Variants in SNX7 observed in about 807,000 individuals in gnomAD.
SNX7 encodes the protein sorting nexin-7.
In SNX7, 35 loss-of-function variants were observed where a neutral mutation model predicts 48.4. That is an observed-to-expected ratio of 0.72 (90% CI 0.55 to 0.96). SNX7 has a LOEUF of 0.96. Among genes scored for constraint, SNX7 ranks in the 40% least tolerant of loss-of-function variants. The pLI is 0.00. For synonymous variants in SNX7, 190 were observed against 190.2 expected, an observed-to-expected ratio of 1.00 and a Z score of 0.01; for missense variants, 553 against 548.9, an observed-to-expected ratio of 1.01 and a Z score of -0.07.
chr1:98,701,756 C>G (rs569196036), intron 6 of SNX7, 61 bp from the exon 7 acceptor site: 1 of 1,087,354 alleles, frequency 9.2e-7, no homozygotes, highest in Admixed American at 2.2e-5. Flanking sequence ...TATATTTTTG[C>G]TATAGGAAAG....
At chr1:98,756,393 A>G (rs1222020369) in intron 8 of SNX7, among the ~76,000 whole-genome samples, 1 of 66,484 alleles carries the variant, frequency 1.5e-5, no homozygotes, top group African/African-American at 5.3e-5. Flanking sequence ...CCATATTTCT[A>G]TCTGGTCTCT....
At chr1:98,667,700 C>G (rs1204155208) in intron 1 of SNX7, among the ~76,000 whole-genome samples, 4 of 152,068 alleles carry the variant, frequency 2.6e-5, no homozygotes, top group Non-Finnish European at 4.4e-5. Flanking sequence ...GGGACTCTAA[C>G]TACATTGCCT....
At chr1:98,663,252 GGTTTTTTTTTTTTTTTTTTTTTTTTTTTT>G (rs1649354374) in intron 1 of SNX7, among the ~76,000 whole-genome samples, 2 of 83,184 alleles carry the variant, frequency 2.4e-5, no homozygotes, top group Admixed American at 1.2e-4. Context: ...GTTTCTTTCT[GGTTTTTTTTTTTTTTTTTTTTTTTTTTTT>G]TTTTTTTTTT....
rs745988130 is a variant in SNX7, at chr1:98,692,045, T to C, written c.639+346T>C. Among the ~76,000 whole-genome samples, 167 of 151,992 alleles carry C rather than the reference T, an allele frequency of 1.1e-3. 1 individual carries two copies. The highest frequency in any genetic ancestry group is 1.9e-3 in the Non-Finnish European group (130 of 67,904). On this transcript the variant is annotated intron_variant, in intron 4 of 8. Coordinates refer to ENST00000306121, the MANE Select transcript of SNX7 (RefSeq NM_015976.5). ...ATAAATATATTTCTTTCATTGACACTGTAGTTGACCCTTGAACAACATGGC... is the reference window on the plus strand; with the variant it reads ...ATAAATATATTTCTTTCATTGACACCGTAGTTGACCCTTGAACAACATGGC...
chr1:98,661,653 G>GAA, upstream of SNX7: 1 of 1,146,068 alleles, frequency 8.7e-7, no homozygotes, highest in Non-Finnish European at 1.1e-6. Flanking sequence ...AGGTGCAGGA[G>GAA]ACGTGGGAGC....
At chr1:98,661,506 C>G (rs1557779126), upstream of SNX7, among the ~76,000 whole-genome samples, 1 of 152,120 alleles carries the variant, frequency 6.6e-6, no homozygotes, top group Non-Finnish European at 1.5e-5. Context: ...CCAACGTAGC[C>G]GGAGTCCGAG....
At chr1:98,722,379 A>C (rs1652931812) in intron 7 of SNX7, among the ~76,000 whole-genome samples, 1 of 152,130 alleles carries the variant, frequency 6.6e-6, no homozygotes, top group Non-Finnish European at 1.5e-5. Context: ...CACCTCTCTC[A>C]CGAATCAGAA....
intron 7 of SNX7, among the ~76,000 whole-genome samples, chr1:98,718,907 A>G (rs1275971185): frequency 1.3e-5 from 2 of 152,116 alleles, no homozygotes; most frequent in East Asian, 3.9e-4. Flanking sequence ...ATCCCATTGT[A>G]TGGCTGTGCA....
chr1:98,664,998 T>C (rs1649464067), intron 1 of SNX7, among the ~76,000 whole-genome samples: 1 of 152,206 alleles, frequency 6.6e-6, no homozygotes, highest in Admixed American at 6.5e-5. Flanking sequence ...TCTTCACGTT[T>C]AAAGGAAAAA....
chr1:98,723,755 G>T (rs899830121), intron 7 of SNX7, among the ~76,000 whole-genome samples: 10 of 147,562 alleles, frequency 6.8e-5, no homozygotes, highest in Non-Finnish European at 1.5e-4. Flanking sequence ...TGCTTGGGAG[G>T]CTGGGGCAGG....
intron 1 of SNX7, among the ~76,000 whole-genome samples, chr1:98,670,709 A>G (rs1193348547): frequency 1.3e-5 from 2 of 152,210 alleles, no homozygotes; most frequent in Non-Finnish European, 2.9e-5. Flanking sequence ...TCACACAATG[A>G]CAAAATTTCC....
At chr1:98,671,018 A>T (rs192005466) in intron 1 of SNX7, among the ~76,000 whole-genome samples, 42 of 152,202 alleles carry the variant, frequency 2.8e-4, no homozygotes, top group African/African-American at 9.9e-4. Context: ...GTGAGTTTTA[A>T]AGATAAAGTT....
chr1:98,731,203 G>A lies in SNX7; in HGVS notation c.1126-7034G>A, dbSNP rs563425668. ...GAAAACTCCAAAGTATAGGAATACT[G>A]TTTTTTATAAGAATAAAAATTTTTT... On this transcript the variant is annotated intron_variant, in intron 7 of 8. Coordinates refer to ENST00000306121, the MANE Select transcript of SNX7 (RefSeq NM_015976.5). Among the ~76,000 whole-genome samples the A allele has an allele frequency of 2.0e-5, 3 of 147,762 alleles. No homozygotes were observed. In the East Asian group the frequency reaches 5.9e-4, roughly 29 times the overall value.
At chr1:98,669,876 A>G (rs1433710444) in intron 1 of SNX7, among the ~76,000 whole-genome samples, 2 of 152,222 alleles carry the variant, frequency 1.3e-5, no homozygotes, top group African/African-American at 4.8e-5. Flanking sequence ...CCTTATAAAT[A>G]GATATTATTT....
Position 98,684,884 on chromosome 1 carries a change from G to T in SNX7, c.181-1G>T. The T allele has an allele frequency of 6.8e-7, 1 of 1,478,870 alleles. No homozygotes were observed. Among genetic ancestry groups the T allele is most frequent in the Non-Finnish European group, 9.0e-7 (1 of 1,106,724 alleles). The allele number at this position is 1,478,870 out of a possible 1,614,324, so 91.6% of individuals were successfully genotyped here. On this transcript the variant is annotated splice_acceptor_variant, in intron 1 of 8. Coordinates refer to ENST00000306121, the MANE Select transcript of SNX7 (RefSeq NM_015976.5). LOFTEE classifies it high-confidence loss of function. ...TAATTTTTGAATGTTTTATTTCTTAGGATGCCTCATTGATGGACATGAACT... is the reference window on the plus strand; with the variant it reads ...TAATTTTTGAATGTTTTATTTCTTATGATGCCTCATTGATGGACATGAACT...
chr1:98,745,841 AAAC>A (rs1654284335), intron 8 of SNX7, among the ~76,000 whole-genome samples: 2 of 152,218 alleles, frequency 1.3e-5, no homozygotes, highest in South Asian at 4.1e-4. Flanking sequence ...ATCAAAAGGA[AAAC>A]AACAACTTTT....
At chr1:98,725,603 G>A (rs1205454237) in intron 7 of SNX7, among the ~76,000 whole-genome samples, 2 of 152,096 alleles carry the variant, frequency 1.3e-5, no homozygotes, top group African/African-American at 4.8e-5. Context: ...GGATGGTCTT[G>A]GCTTTTATTC....
At chr1:98,673,403 C>T (rs571217570) in intron 1 of SNX7, among the ~76,000 whole-genome samples, 86 of 152,324 alleles carry the variant, frequency 5.6e-4, no homozygotes, top group African/African-American at 1.8e-3. Flanking sequence ...GGAAAGCATT[C>T]TTCCTGCTCC....
intron 7 of SNX7, among the ~76,000 whole-genome samples, chr1:98,721,277 C>T (rs984004636): frequency 1.1e-4 from 16 of 152,054 alleles, no homozygotes; most frequent in Non-Finnish European, 2.2e-4. Flanking sequence ...CACTTCTGAT[C>T]CTAAGCATTT....
Sources: gnomAD v4.1 joint callset for allele counts (sites outside exome capture counted in the v4.1 genomes callset) on GRCh38, gnomAD v4.1.1 for gene constraint, MANE v1.5 for transcripts, NCBI Gene and HGNC (gene_info 2026-07-23, HGNC 2026-07-21) for gene names.